MLLT3: variants seen among roughly 807,000 people sequenced by gnomAD.
MLLT3 encodes protein AF-9.
In MLLT3, 4 loss-of-function variants were observed where a neutral mutation model predicts 53.2. That is an observed-to-expected ratio of 0.08 (90% CI 0.04 to 0.17). The LOEUF (loss-of-function observed/expected upper bound fraction) is 0.17. Ranked by LOEUF, MLLT3 falls within the 10% of genes least tolerant of loss-of-function variation. The probability of loss-of-function intolerance (pLI) is 1.00; values close to 1 mark genes in which losing one functional copy is unlikely to be tolerated. For missense variants in MLLT3, 569 were observed against 684.0 expected, an observed-to-expected ratio of 0.83 and a Z score of 1.87; for synonymous variants, 283 against 230.6, an observed-to-expected ratio of 1.23 and a Z score of -2.06.
intron 2 of MLLT3, among the ~76,000 whole-genome samples, chr9:20,597,430 T>A (rs1347488368): frequency 6.6e-6 from 1 of 152,196 alleles, no homozygotes; most frequent in African/African-American, 2.4e-5. Context: ...AGATCATCCT[T>A]GTCCCACAAG....
intron 2 of MLLT3, among the ~76,000 whole-genome samples, chr9:20,515,087 CA>C (rs1817873181): frequency 6.6e-6 from 1 of 151,772 alleles, no homozygotes; most frequent in Non-Finnish European, 1.5e-5. Context: ...GATGGGATTA[CA>C]GGTGCCCGCC....
At chr9:20,463,105 A>G (rs1231983200) in intron 2 of MLLT3, among the ~76,000 whole-genome samples, 1 of 152,144 alleles carries the variant, frequency 6.6e-6, no homozygotes, top group African/African-American at 2.4e-5. Context: ...TAAAGGAGGG[A>G]TTATTGAATT....
chr9:20,555,930 A>G (rs1380128865), intron 2 of MLLT3, among the ~76,000 whole-genome samples: 1 of 152,240 alleles, frequency 6.6e-6, no homozygotes, highest in Non-Finnish European at 1.5e-5. Context: ...TTCTGATGAG[A>G]TTACTGTGTG....
At chr9:20,385,938 G>A (rs1822023717) in intron 5 of MLLT3, among the ~76,000 whole-genome samples, 2 of 152,144 alleles carry the variant, frequency 1.3e-5, no homozygotes, top group South Asian at 4.1e-4. Flanking sequence ...GAAGTAAACT[G>A]CAATCTGCCT....
chr9:20,525,400 G>A (rs1016094075), intron 2 of MLLT3, among the ~76,000 whole-genome samples: 3 of 152,162 alleles, frequency 2.0e-5, no homozygotes, highest in African/African-American at 4.8e-5. Context: ...GTAGGCTGAC[G>A]CATGAGAATT....
intron 2 of MLLT3, among the ~76,000 whole-genome samples, chr9:20,494,381 G>C (rs1825025550): frequency 6.6e-6 from 1 of 152,040 alleles, no homozygotes; most frequent in Non-Finnish European, 1.5e-5. Context: ...GATTTGCTCT[G>C]TTTTGTTTTT....
intron 4 of MLLT3, among the ~76,000 whole-genome samples, chr9:20,447,743 T>C (rs1823740468): frequency 6.6e-6 from 1 of 152,218 alleles, no homozygotes; most frequent in African/African-American, 2.4e-5. Context: ...TTTCTTTTTA[T>C]ATAATTTTTA....
intron 8 of MLLT3, among the ~76,000 whole-genome samples, chr9:20,359,883 A>G (rs1367920914): frequency 6.6e-6 from 1 of 152,248 alleles, no homozygotes; most frequent in African/African-American, 2.4e-5. Flanking sequence ...TATGGTAATG[A>G]GAGTATCAAT....
chr9:20,601,125 C>T (rs962632094), intron 2 of MLLT3, among the ~76,000 whole-genome samples: 10 of 123,188 alleles, frequency 8.1e-5, no homozygotes, highest in African/African-American at 3.4e-4. Flanking sequence ...AACGTCAAAA[C>T]GTCAGAATGA....
chr9:20,538,360 G>C (rs1818538472), intron 2 of MLLT3, among the ~76,000 whole-genome samples: 1 of 152,138 alleles, frequency 6.6e-6, no homozygotes, highest in Non-Finnish European at 1.5e-5. Flanking sequence ...AAATTTATAA[G>C]TAAGTAAGTA....
intron 2 of MLLT3, among the ~76,000 whole-genome samples, chr9:20,553,466 A>T (rs191119656): frequency 6.6e-6 from 1 of 152,192 alleles, no homozygotes; most frequent in Non-Finnish European, 1.5e-5. Context: ...CTCATGGAGA[A>T]ATCTGACCTC....
chr9:20,447,793 T>C (rs1189991882), intron 4 of MLLT3, among the ~76,000 whole-genome samples: 1 of 152,216 alleles, frequency 6.6e-6, no homozygotes, highest in East Asian at 1.9e-4. Context: ...CTATAACTGA[T>C]ATAACACAGT....
rs904741892 is a variant in MLLT3, at chr9:20,458,480, C to T, written c.194-1694G>A. ...TGAAGACTAAACAAGGTGACCGTTA[C>T]GAACTGAATGTTTGTATTCCCCTAA... On this transcript the variant is annotated intron_variant, in intron 2 of 10. Coordinates refer to ENST00000380338, the MANE Select transcript of MLLT3 (RefSeq NM_004529.4). Among the ~76,000 whole-genome samples the T allele has an allele frequency of 5.9e-5, 9 of 152,124 alleles. 1 individual carries two copies. Among genetic ancestry groups the T allele is most frequent in the South Asian group, 2.1e-4 (1 of 4,836 alleles).
At chr9:20,577,467 T>C (rs542192367) in intron 2 of MLLT3, among the ~76,000 whole-genome samples, 3 of 152,176 alleles carry the variant, frequency 2.0e-5, no homozygotes, top group African/African-American at 7.2e-5. Flanking sequence ...ACAGCGCCTG[T>C]TCTCTTAACC....
At chr9:20,464,753 C>G (rs1334182320) in intron 2 of MLLT3, among the ~76,000 whole-genome samples, 1 of 152,004 alleles carries the variant, frequency 6.6e-6, no homozygotes, top group African/African-American at 2.4e-5. Context: ...TAAAGCCTGT[C>G]CTTATATTCA....
intron 2 of MLLT3, among the ~76,000 whole-genome samples, chr9:20,603,601 C>T (rs190487119): frequency 6.6e-6 from 1 of 152,122 alleles, no homozygotes; most frequent in Non-Finnish European, 1.5e-5. Context: ...GGCTTTTCTA[C>T]ACTTCTTTTT....
At chr9:20,397,935 A>G (rs1234605007) in intron 5 of MLLT3, among the ~76,000 whole-genome samples, 1 of 152,120 alleles carries the variant, frequency 6.6e-6, no homozygotes, top group African/African-American at 2.4e-5. Context: ...GACACAACTA[A>G]GACCCTAATT....
chr9:20,522,518 C>T (rs1457347167), intron 2 of MLLT3, among the ~76,000 whole-genome samples: 3 of 151,852 alleles, frequency 2.0e-5, no homozygotes, highest in Non-Finnish European at 4.4e-5. Flanking sequence ...TTTTTACTAC[C>T]CTTTTGAGGT....
At chr9:20,374,454 T>C (rs893752194) in intron 5 of MLLT3, among the ~76,000 whole-genome samples, 2 of 152,212 alleles carry the variant, frequency 1.3e-5, no homozygotes, top group Admixed American at 6.5e-5. Context: ...GTGAAATCTA[T>C]GTTACCAATT....
Sources: gnomAD v4.1 joint callset for allele counts (sites outside exome capture counted in the v4.1 genomes callset) on GRCh38, gnomAD v4.1.1 for gene constraint, MANE v1.5 for transcripts, NCBI Gene and HGNC (gene_info 2026-07-23, HGNC 2026-07-21) for gene names.